ALPK1: variants seen among roughly 807,000 people sequenced by gnomAD.
ALPK1 encodes alpha-protein kinase 1.
A neutral mutation model predicts 120.6 loss-of-function variants in ALPK1; 110 were observed. That is an observed-to-expected ratio of 0.91 (90% CI 0.78 to 1.07). ALPK1 has a LOEUF of 1.07. Ranked by LOEUF, ALPK1 falls within the 50% of genes least tolerant of loss-of-function variation. ALPK1 has a pLI of 0.00. For missense variants in ALPK1, 1,498 were observed against 1,483.9 expected (o/e 1.01, Z -0.16); for synonymous variants, 582 against 560.3 (o/e 1.04, Z -0.55).
intron 3 of ALPK1, 88 bp from the exon 4 acceptor site, chr4:112,382,310 T>TTTTG: frequency 1.3e-6 from 1 of 762,296 alleles, no homozygotes; most frequent in Non-Finnish European, 1.8e-6. Context: ...TTTTTTTTTT[T>TTTTG]GCCACTGAGG....
rs746992573 is a variant in ALPK1 at position 112,430,762 on chromosome 4, T to C, written c.1215T>C (p.Ser405=). ...GAAGTCAGGACAGAGAAGCTCTGTC[T>C]CAAGAAGTTATGTCTGTGATTGCCC... The part of the protein sequence containing the change: ...SSRSQDREAL[S]QEVMSVIAQV... The change falls in exon 11 of 16, where the codon TCT becomes TCC. Residue 405 remains serine, a synonymous_variant. Transcript: ENST00000650871. 2 of 1,614,204 alleles carry C rather than the reference T, an allele frequency of 1.2e-6. No individual in the cohort carries two copies. The highest frequency in any genetic ancestry group is 1.7e-5 in the Admixed American group (1 of 60,032).
At chr4:112,369,790 T>A (rs1731323861) in intron 2 of ALPK1, among the ~76,000 whole-genome samples, 1 of 152,244 alleles carries the variant, frequency 6.6e-6, no homozygotes, top group Admixed American at 6.5e-5. Flanking sequence ...TTAATTGAAT[T>A]CCAACATAGA....
chr4:112,413,375 AGCTTT>A (rs1234268067), intron 5 of ALPK1, among the ~76,000 whole-genome samples: 2 of 152,204 alleles, frequency 1.3e-5, no homozygotes, highest in African/African-American at 4.8e-5. Flanking sequence ...GGACGTTGAC[AGCTTT>A]GCTTTTACAT....
intron 2 of ALPK1, among the ~76,000 whole-genome samples, chr4:112,336,979 T>G (rs1225049719): frequency 1.3e-5 from 2 of 152,162 alleles, no homozygotes; most frequent in Non-Finnish European, 2.9e-5. Flanking sequence ...CTAGAAAATG[T>G]AGTTCATATA....
intron 2 of ALPK1, among the ~76,000 whole-genome samples, chr4:112,347,249 A>G (rs970379964): frequency 2.0e-5 from 3 of 152,236 alleles, no homozygotes; most frequent in Non-Finnish European, 4.4e-5. Context: ...AAAAAGCAGG[A>G]CACAGAGTGG....
chr4:112,433,820 G>A (rs1027855897), intron 11 of ALPK1, among the ~76,000 whole-genome samples: 2 of 152,106 alleles, frequency 1.3e-5, no homozygotes, highest in Non-Finnish European at 2.9e-5. Context: ...CAACCCTGGC[G>A]CCACATGAGA....
At chr4:112,390,500 C>T (rs143219682) in intron 4 of ALPK1, among the ~76,000 whole-genome samples, 263 of 152,306 alleles carry the variant, frequency 1.7e-3, no homozygotes, top group Non-Finnish European at 3.0e-3. Context: ...CTTCTGCTAG[C>T]TACAAGCTTC....
At chr4:112,325,870 C>G (rs1383742972) in intron 2 of ALPK1, among the ~76,000 whole-genome samples, 4 of 152,138 alleles carry the variant, frequency 2.6e-5, no homozygotes, top group Non-Finnish European at 5.9e-5. Context: ...CATAATTCCC[C>G]TCTTCTCTTC....
intron 2 of ALPK1, among the ~76,000 whole-genome samples, chr4:112,368,332 T>C (rs1731248963): frequency 6.6e-6 from 1 of 152,238 alleles, no homozygotes; most frequent in Admixed American, 6.5e-5. Context: ...CTCTATAGCT[T>C]ATGCTGTTTA....
intron 2 of ALPK1, among the ~76,000 whole-genome samples, chr4:112,347,050 A>G (rs527995559): frequency 9.8e-5 from 15 of 152,354 alleles, no homozygotes; most frequent in Admixed American, 4.6e-4. Flanking sequence ...TAGCTCGAAT[A>G]AGGTCAAATT....
intron 2 of ALPK1, among the ~76,000 whole-genome samples, chr4:112,346,392 T>C (rs1730106594): frequency 6.6e-6 from 1 of 152,236 alleles, no homozygotes; most frequent in South Asian, 2.1e-4. Flanking sequence ...TGTGGATTTA[T>C]ATGGTTGACA....
chr4:112,309,289 A>C lies in ALPK1; in HGVS notation c.-152-6512A>C, dbSNP rs151261434. 3.9e-5 allele frequency among the ~76,000 whole-genome samples: 6 copies of C among 152,250 alleles called. No individual in the cohort carries two copies. The East Asian group carries it at 1.2e-3, about 29-fold the overall frequency. On this transcript the variant is annotated intron_variant, in intron 1 of 15. Coordinates refer to ENST00000650871, the MANE Select transcript of ALPK1 (RefSeq NM_025144.4). ...CTCTTCAAAGCTGTCAGACAGGGACATTTAAGTCTGCCGAGGTTTCTGCTG... is the reference window on the plus strand; with the variant it reads ...CTCTTCAAAGCTGTCAGACAGGGACCTTTAAGTCTGCCGAGGTTTCTGCTG...
intron 1 of ALPK1, among the ~76,000 whole-genome samples, chr4:112,303,892 C>T (rs1308731992): frequency 1.3e-5 from 2 of 152,090 alleles, no homozygotes; most frequent in Non-Finnish European, 2.9e-5. Context: ...AATGCTATCC[C>T]TCCCCCATTC....
intron 6 of ALPK1, chr4:112,425,264 CAG>C (rs1189385657): frequency 3.1e-5 from 5 of 162,298 alleles, no homozygotes; most frequent in Non-Finnish European, 5.4e-5. Context: ...GTGGGGGTAA[CAG>C]TGTAGAAATA....
intron 2 of ALPK1, chr4:112,357,393 T>C (rs1730684188): frequency 4.3e-6 from 3 of 691,862 alleles, no homozygotes; most frequent in Non-Finnish European, 7.7e-6. Context: ...AAAGTGCACA[T>C]CCATCCTGAT....
chr4:112,360,922 A>G (rs1730885771), intron 2 of ALPK1, among the ~76,000 whole-genome samples: 1 of 152,112 alleles, frequency 6.6e-6, no homozygotes, highest in South Asian at 2.1e-4. Context: ...CTTCATTATG[A>G]TATTTTTCTA....
At chr4:112,345,254 A>G (rs969279188) in intron 2 of ALPK1, among the ~76,000 whole-genome samples, 2 of 152,112 alleles carry the variant, frequency 1.3e-5, no homozygotes, top group Non-Finnish European at 2.9e-5. Flanking sequence ...ACCACATTTA[A>G]CTTTTTGTTT....
intron 4 of ALPK1, among the ~76,000 whole-genome samples, chr4:112,395,967 A>C (rs1553951841): frequency 6.6e-6 from 1 of 152,062 alleles, no homozygotes; most frequent in Non-Finnish European, 1.5e-5. Flanking sequence ...TAATCAGAGG[A>C]TTTTTTTTAA....
At chr4:112,318,974 G>A (rs903010639) in intron 2 of ALPK1, among the ~76,000 whole-genome samples, 15 of 152,318 alleles carry the variant, frequency 9.8e-5, no homozygotes, top group African/African-American at 2.9e-4. Context: ...CCAAGTTCAG[G>A]AGTTTGTGTT....
Sources: gnomAD v4.1 joint callset for allele counts (sites outside exome capture counted in the v4.1 genomes callset) on GRCh38, gnomAD v4.1.1 for gene constraint, MANE v1.5 for transcripts, NCBI Gene and HGNC (gene_info 2026-07-23, HGNC 2026-07-21) for gene names.